Variants in GPR149 observed in about 807,000 individuals in gnomAD.
GPR149 encodes G protein-coupled receptor 149.
A neutral mutation model predicts 50.2 loss-of-function variants in GPR149; 50 were observed. The observed-to-expected ratio is 1.00, with a 90% CI of 0.79 to 1.26. The LOEUF is 1.26. GPR149 is among the 50% of genes most tolerant of loss of function. The probability of loss-of-function intolerance (pLI) is 0.00; values close to 1 mark genes in which losing one functional copy is unlikely to be tolerated. For missense variants in GPR149, 983 were observed against 895.4 expected, an observed-to-expected ratio of 1.10 and a Z score of -1.25; for synonymous variants, 405 against 358.2, an observed-to-expected ratio of 1.13 and a Z score of -1.48.
intron 3 of GPR149, chr3:154,353,069 A>G: frequency 2.8e-6 from 4 of 1,419,214 alleles, no homozygotes; most frequent in Non-Finnish European, 4.0e-6. Flanking sequence ...GTGACTGTGC[A>G]ATATCCCCAT....
intron 3 of GPR149, among the ~76,000 whole-genome samples, chr3:154,376,909 GACC>G (rs1490800303): frequency 1.3e-5 from 2 of 151,950 alleles, no homozygotes; most frequent in Non-Finnish European, 2.9e-5. Flanking sequence ...TAACAATAAT[GACC>G]ACTTCATAGA....
chr3:154,424,000 A>G (rs1292194726), intron 2 of GPR149, among the ~76,000 whole-genome samples: 1 of 151,890 alleles, frequency 6.6e-6, no homozygotes, highest in African/African-American at 2.4e-5. Context: ...TTATTAACAA[A>G]GGCAAATGGG....
intron 3 of GPR149, among the ~76,000 whole-genome samples, chr3:154,341,340 T>TATAA (rs1484402767): frequency 4.7e-5 from 5 of 106,034 alleles, no homozygotes; most frequent in South Asian, 3.1e-4. Context: ...TATATATATA[T>TATAA]AAAATGAGTA....
At chr3:154,417,600 AG>A (rs1712023992) in intron 3 of GPR149, among the ~76,000 whole-genome samples, 1 of 152,096 alleles carries the variant, frequency 6.6e-6, no homozygotes. Context: ...ATTGAGCCTA[AG>A]TGTTTGAAAG....
intron 3 of GPR149, among the ~76,000 whole-genome samples, chr3:154,375,883 C>G (rs1021367326): frequency 2.6e-5 from 4 of 152,194 alleles, no homozygotes; most frequent in Admixed American, 6.5e-5. Context: ...AATTTGCTCC[C>G]TGTTTTAGCT....
At chr3:154,342,072 A>T (rs1351387753) in intron 3 of GPR149, among the ~76,000 whole-genome samples, 1 of 152,220 alleles carries the variant, frequency 6.6e-6, no homozygotes, top group Non-Finnish European at 1.5e-5. Flanking sequence ...AAAATTCTTA[A>T]TAATTCTTTT....
In GPR149 at chr3:154,430,139, CAG is replaced by C. The variant is rs10593410; in HGVS notation, c.-526_-525del. On this transcript the variant is annotated 5_prime_UTR_variant, in exon 1 of 4. Transcript: ENST00000389740. ...TTGAAGGTGGAGAGAGAGAGAGAGA[CAG>C]AGAGAGAGAGAGAGAGGGCGAGCGC... is the stretch of plus-strand genomic sequence containing the variant. Among the ~76,000 whole-genome samples the C allele has an allele frequency of 0.22, 31,636 of 146,372 alleles. 3,628 individuals are homozygous for C. Among genetic ancestry groups the C allele is most frequent in the East Asian group, 0.33 (1,656 of 4,994 alleles).
chr3:154,355,768 T>C (rs1052719323), intron 3 of GPR149, among the ~76,000 whole-genome samples: 1 of 152,200 alleles, frequency 6.6e-6, no homozygotes, highest in Non-Finnish European at 1.5e-5. Flanking sequence ...AGGAATATCC[T>C]ACAAAAAATG....
intron 3 of GPR149, among the ~76,000 whole-genome samples, chr3:154,395,559 C>A (rs1052189259): frequency 1.3e-5 from 2 of 151,924 alleles, no homozygotes; most frequent in Admixed American, 6.6e-5. Context: ...GAGGCCAGGG[C>A]AGGAGGATTG....
intron 3 of GPR149, among the ~76,000 whole-genome samples, chr3:154,414,287 T>A (rs537380284): frequency 1.3e-5 from 2 of 152,018 alleles, no homozygotes; most frequent in Non-Finnish European, 2.9e-5. Flanking sequence ...AAATACCACC[T>A]GTTCCCTAAA....
In GPR149 at chr3:154,421,148, G is replaced by A; in HGVS notation, c.1514C>T (p.Thr505Ile). 3.7e-6 allele frequency: 6 copies of A among 1,613,382 alleles called. No individual in the cohort carries two copies. The highest frequency in any genetic ancestry group is 5.1e-6 in the Non-Finnish European group (6 of 1,179,522). The change falls in exon 3 of 4, where the codon ACT (threonine) becomes ATT (isoleucine). Residue 505 changes from threonine (T) to isoleucine (I), a missense_variant. Physicochemically the swap from Thr to Ile is moderately conservative, Grantham distance 89 (BLOSUM62 -1). Transcript: ENST00000389740. ...TCTTTCTGGCCCTTCAGAAAAGGTA[G>A]TTTCTTCATAGTTAATATCACCTCC... ...KTGGDINYEE[T>I]TFSEGPERRL...
At chr3:154,419,987 C>T (rs1458883969) in intron 3 of GPR149, among the ~76,000 whole-genome samples, 1 of 151,934 alleles carries the variant, frequency 6.6e-6, no homozygotes, top group African/African-American at 2.4e-5. Context: ...ATTTTGTACA[C>T]CTTATTTTAC....
At chr3:154,425,640 T>G (rs1712269614) in intron 2 of GPR149, among the ~76,000 whole-genome samples, 1 of 152,146 alleles carries the variant, frequency 6.6e-6, no homozygotes, top group Admixed American at 6.5e-5. Flanking sequence ...CCATGCTTCT[T>G]TTTCATAAGC....
chr3:154,422,175 C>T (rs1383228433), intron 2 of GPR149, among the ~76,000 whole-genome samples: 1 of 151,394 alleles, frequency 6.6e-6, no homozygotes, highest in Admixed American at 6.6e-5. Flanking sequence ...CTGATTATTA[C>T]AAGAAGAGTT....
intron 3 of GPR149, among the ~76,000 whole-genome samples, chr3:154,386,202 G>A (rs968292562): frequency 2.6e-5 from 4 of 152,188 alleles, no homozygotes; most frequent in Non-Finnish European, 5.9e-5. Context: ...GGAATTGAGA[G>A]TCAAAAAGAG....
intron 3 of GPR149, among the ~76,000 whole-genome samples, chr3:154,389,612 C>A (rs1715118902): frequency 6.6e-6 from 1 of 152,050 alleles, no homozygotes; most frequent in South Asian, 2.1e-4. Context: ...AGCAGCCCAG[C>A]TCAGCACAAG....
intron 3 of GPR149, among the ~76,000 whole-genome samples, chr3:154,389,466 AT>A (rs958694638): frequency 2.6e-5 from 4 of 151,820 alleles, no homozygotes; most frequent in African/African-American, 7.3e-5. Context: ...CAGCATTTGA[AT>A]TTTTTTTGGA....
chr3:154,370,339 G>A (rs1471121504), intron 3 of GPR149, among the ~76,000 whole-genome samples: 2 of 152,150 alleles, frequency 1.3e-5, no homozygotes, highest in African/African-American at 2.4e-5. Flanking sequence ...AGCAAGATAA[G>A]ATAAAGGCTG....
At chr3:154,385,713 T>C (rs945301232) in intron 3 of GPR149, among the ~76,000 whole-genome samples, 44 of 151,614 alleles carry the variant, frequency 2.9e-4, no homozygotes, top group African/African-American at 1.1e-3. Context: ...TCTTTTTTTT[T>C]TTTTTTTATA....
Sources: allele counts gnomAD v4.1 joint callset (sites outside exome capture counted in the v4.1 genomes callset), GRCh38; gene constraint gnomAD v4.1.1; transcripts MANE v1.5; gene names NCBI Gene and HGNC (gene_info 2026-07-23, HGNC 2026-07-21).